Variants in RPS6KA2 observed in about 807,000 individuals in gnomAD.
RPS6KA2 encodes ribosomal protein S6 kinase A2.
In RPS6KA2, 42 loss-of-function variants were observed where a neutral mutation model predicts 91.8. The observed-to-expected ratio is 0.46, with a 90% CI of 0.36 to 0.59. RPS6KA2 has a LOEUF of 0.59. Ranked by LOEUF, RPS6KA2 falls within the 20% of genes least tolerant of loss-of-function variation. The probability of loss-of-function intolerance (pLI) is 0.00; values close to 1 mark genes in which losing one functional copy is unlikely to be tolerated. For synonymous variants in RPS6KA2, 414 were observed against 393.6 expected (o/e 1.05, Z -0.61); for missense variants, 798 against 978.5 (o/e 0.82, Z 2.46).
chr6:166,485,143 C>T (rs1781361925), intron 10 of RPS6KA2, among the ~76,000 whole-genome samples: 1 of 152,228 alleles, frequency 6.6e-6, no homozygotes, highest in South Asian at 2.1e-4. Flanking sequence ...GGAGGCTGTG[C>T]TTACACCCAG....
chr6:166,787,084 T>C (rs1045688128), intron 2 of RPS6KA2, among the ~76,000 whole-genome samples: 3 of 152,242 alleles, frequency 2.0e-5, no homozygotes, highest in African/African-American at 7.2e-5. Context: ...CTTAAAATAT[T>C]ATTTTGCATA....
At chr6:166,746,711 T>C (rs1345804775) in intron 2 of RPS6KA2, among the ~76,000 whole-genome samples, 1 of 152,174 alleles carries the variant, frequency 6.6e-6, no homozygotes, top group Non-Finnish European at 1.5e-5. Flanking sequence ...TCAACTAATT[T>C]GCTTCAAGTT....
At chr6:166,596,330 G>A (rs141661032) in intron 1 of RPS6KA2, among the ~76,000 whole-genome samples, 20 of 152,302 alleles carry the variant, frequency 1.3e-4, no homozygotes, top group African/African-American at 3.6e-4. Flanking sequence ...GGGTGCTGCC[G>A]AAGGAGGTTA....
chr6:166,728,572 T>C (rs1790417357), intron 2 of RPS6KA2, among the ~76,000 whole-genome samples: 1 of 151,720 alleles, frequency 6.6e-6, no homozygotes, highest in Admixed American at 6.6e-5. Flanking sequence ...AGAGAAGCCC[T>C]CCTCCCCGTC....
chr6:166,718,900 T>G (rs932046199), intron 2 of RPS6KA2, among the ~76,000 whole-genome samples: 1 of 152,248 alleles, frequency 6.6e-6, no homozygotes, highest in Non-Finnish European at 1.5e-5. Flanking sequence ...GTTAAAAGTC[T>G]AACCATTAGA....
chr6:166,458,166 C>A (rs1246086334), intron 12 of RPS6KA2, among the ~76,000 whole-genome samples: 1 of 152,180 alleles, frequency 6.6e-6, no homozygotes, highest in East Asian at 1.9e-4. Flanking sequence ...TGTCCCCACC[C>A]AAATCTCAGG....
In RPS6KA2 at chr6:166,621,287, A is replaced by G. The variant is rs184694680; in HGVS notation, c.99+5634T>C. 1.4e-4 allele frequency among the ~76,000 whole-genome samples: 21 copies of G among 152,314 alleles called. No individual in the cohort carries two copies. In the East Asian group the frequency reaches 4.1e-3, roughly 29 times the overall value. ...AAATCCTAGGTGTATGGTTACGCAC[A>G]TTTGTCCTCCACGCCCTGATATGCA... is the stretch of plus-strand genomic sequence containing the variant. On this transcript the variant is annotated intron_variant, in intron 1 of 20. Transcript: ENST00000265678.
intron 2 of RPS6KA2, among the ~76,000 whole-genome samples, chr6:166,657,868 T>C (rs1362301638): frequency 1.3e-5 from 2 of 152,206 alleles, no homozygotes; most frequent in East Asian, 3.8e-4. Context: ...GCAGAAAACC[T>C]GGCTGGGAGG....
chr6:166,685,182 GGCCGAGGAAA>G (rs1788969967), intron 2 of RPS6KA2, among the ~76,000 whole-genome samples: 1 of 148,084 alleles, frequency 6.8e-6, no homozygotes, highest in African/African-American at 2.6e-5. Context: ...CGGGGACAGA[GGCCGAGGAAA>G]GCTCAGGCAG....
chr6:166,586,456 C>G (rs1476554341), intron 1 of RPS6KA2: 6 of 1,598,776 alleles, frequency 3.8e-6, no homozygotes, highest in Non-Finnish European at 4.2e-6. Flanking sequence ...AAATTTGGAA[C>G]AGCTTCGGCA....
At chr6:166,714,490 A>G (rs933481243) in intron 2 of RPS6KA2, among the ~76,000 whole-genome samples, 5 of 152,344 alleles carry the variant, frequency 3.3e-5, no homozygotes, top group Middle Eastern at 6.8e-3. Context: ...TCATCTGGAA[A>G]TAGGGTATAT....
At chr6:166,559,917 A>G (rs377764935) in intron 1 of RPS6KA2, among the ~76,000 whole-genome samples, 1 of 152,232 alleles carries the variant, frequency 6.6e-6, no homozygotes, top group South Asian at 2.1e-4. Context: ...CTAAAGATCC[A>G]CATTTTTACA....
intron 1 of RPS6KA2, among the ~76,000 whole-genome samples, chr6:166,575,479 A>G (rs1784813684): frequency 6.6e-6 from 1 of 152,206 alleles, no homozygotes; most frequent in Admixed American, 6.5e-5. Context: ...GGCTTTCCAG[A>G]AGGGAAAAAA....
At chr6:166,829,147 A>C (rs1780115906) in intron 2 of RPS6KA2, among the ~76,000 whole-genome samples, 1 of 152,090 alleles carries the variant, frequency 6.6e-6, no homozygotes, top group Non-Finnish European at 1.5e-5. Context: ...GCACCACTTC[A>C]CTCCCATTGG....
At chr6:166,688,370 C>A (rs1246943750) in intron 2 of RPS6KA2, among the ~76,000 whole-genome samples, 1 of 152,182 alleles carries the variant, frequency 6.6e-6, no homozygotes, top group Non-Finnish European at 1.5e-5. Flanking sequence ...CCACTCGTGT[C>A]CCACCTGCCC....
At chr6:166,424,452 GAC>G (rs773336512) in intron 16 of RPS6KA2, among the ~76,000 whole-genome samples, 12 of 146,404 alleles carry the variant, frequency 8.2e-5, no homozygotes, top group Non-Finnish European at 1.2e-4. Context: ...AGCTGGCTAA[GAC>G]AGTATTTCCT....
intron 16 of RPS6KA2, among the ~76,000 whole-genome samples, chr6:166,424,371 C>T (rs1778835936): frequency 6.6e-6 from 1 of 152,210 alleles, no homozygotes; most frequent in South Asian, 2.1e-4. Context: ...GAAAAGACCC[C>T]AGTGTGTGGT....
At chr6:166,647,703 A>G (rs148043865) in intron 2 of RPS6KA2, among the ~76,000 whole-genome samples, 6 of 152,086 alleles carry the variant, frequency 3.9e-5, no homozygotes, top group Admixed American at 1.3e-4. Flanking sequence ...TGAAACTTTT[A>G]AGTTTTTCCA....
rs537146880 is a variant in RPS6KA2, at chr6:166,434,775, G to T, written c.1333-2285C>A. Among the ~76,000 whole-genome samples the T allele has an allele frequency of 1.3e-5, 2 of 152,114 alleles. No individual in the cohort carries two copies. The highest frequency in any genetic ancestry group is 2.9e-5 in the Non-Finnish European group (2 of 68,022). The stretch of plus-strand genomic sequence containing the variant: ...AGAAAGTGGGAGCTTTTTCTCCACC[G>T]CCACGGACCATCTTCAAGATACAAG... On this transcript the variant is annotated intron_variant, in intron 14 of 20. Coordinates refer to ENST00000265678, the MANE Select transcript of RPS6KA2 (RefSeq NM_021135.6). This position sits in a 1 kb window ranked among gnomAD's most constrained non-coding sequence, Gnocchi z 4.4.
Sources: allele counts gnomAD v4.1 joint callset (sites outside exome capture counted in the v4.1 genomes callset), GRCh38; gene constraint gnomAD v4.1.1; non-coding constraint Gnocchi (gnomAD v3.1); transcripts MANE v1.5; gene names NCBI Gene and HGNC (gene_info 2026-07-23, HGNC 2026-07-21).